The following AMOTL1 variants were observed in gnomAD, a reference collection of about 807,000 sequenced individuals.
AMOTL1 encodes angiomotin-like protein 1.
AMOTL1 carries 45 observed loss-of-function variants against 102.9 expected under a neutral mutation model. That is an observed-to-expected ratio of 0.44 (90% confidence interval 0.34 to 0.56). The LOEUF is 0.56. Ranked by LOEUF, AMOTL1 falls within the 20% of genes least tolerant of loss-of-function variation. The pLI is 0.01. For missense variants in AMOTL1, 1,114 were observed against 1,225.6 expected (o/e 0.91, Z 1.36); for synonymous variants, 481 against 484.7 (o/e 0.99, Z 0.10).
At chr11:94,829,112 T>A (rs1856740819) in intron 4 of AMOTL1, among the ~76,000 whole-genome samples, 2 of 152,192 alleles carry the variant, frequency 1.3e-5, no homozygotes. Flanking sequence ...AGTTTTTGAT[T>A]TAGTGAAATA....
chr11:94,806,532 G>T (rs1951572162), intron 3 of AMOTL1, among the ~76,000 whole-genome samples: 1 of 152,176 alleles, frequency 6.6e-6, no homozygotes, highest in Admixed American at 6.5e-5. Flanking sequence ...TGAGGCCATG[G>T]AGCCTTATTT....
rs905673771 is a variant in AMOTL1 at position 94,866,180 on chromosome 11, A to C, written c.2488+12A>C. On this transcript the variant is annotated intron_variant, in intron 11 of 12. Coordinates refer to ENST00000433060, the MANE Select transcript of AMOTL1 (RefSeq NM_130847.3). ...GAAGGGGAGCATAGGTGAGCCCCAC[A>C]CCTCTGTCAGACCATGATTGGAAAA... The C allele has an allele frequency of 6.2e-7, 1 of 1,611,794 alleles. No individual in the cohort carries two copies. The highest frequency in any genetic ancestry group is 1.3e-5 in the African/African-American group (1 of 74,826).
intron 3 of AMOTL1, among the ~76,000 whole-genome samples, chr11:94,805,190 A>G (rs1355434782): frequency 6.6e-6 from 1 of 152,236 alleles, no homozygotes; most frequent in African/African-American, 2.4e-5. Flanking sequence ...AATCAGATTT[A>G]TAGAATATAT....
chr11:94,745,918 G>A (rs1326814375), intron 3 of AMOTL1, among the ~76,000 whole-genome samples: 1 of 152,142 alleles, frequency 6.6e-6, no homozygotes, highest in African/African-American at 2.4e-5. Context: ...TGGTGATTAG[G>A]TCAGTGGAAT....
chr11:94,799,840 G>A lies in AMOTL1; in HGVS notation c.650G>A (p.Gly217Asp). ...QQQQQGAVGH[G>D]YYMAGGTSQK... ...CAGCAGCAGGGGGCGGTGGGCCATG[G>A]TTACTACATGGCAGGGGGCACCAGT... is the stretch of plus-strand genomic sequence containing the variant. Residue 217 changes from glycine (G) to aspartate (D), a missense_variant, in exon 3 of 13, where the codon GGT (glycine) becomes GAT (aspartate). Gly to Asp is a moderately conservative substitution (Grantham distance 94). Coordinates refer to ENST00000433060, the MANE Select transcript of AMOTL1 (RefSeq NM_130847.3). The surrounding 1 kb of genome is among the most constrained non-coding windows in gnomAD (Gnocchi z 4.5). The A allele has an allele frequency of 1.9e-6, 3 of 1,592,732 alleles. No homozygotes were observed. The highest frequency in any genetic ancestry group is 2.6e-6 in the Non-Finnish European group (3 of 1,169,286).
intron 1 of AMOTL1, among the ~76,000 whole-genome samples, chr11:94,771,339 A>G (rs931542161): frequency 4.0e-5 from 6 of 150,822 alleles, no homozygotes; most frequent in African/African-American, 1.5e-4. Context: ...CAGTGTTTTG[A>G]ATAATTTTTC....
intron 3 of AMOTL1, among the ~76,000 whole-genome samples, 170 bp from the exon 4 acceptor site, chr11:94,821,360 T>C (rs1288167220): frequency 6.6e-6 from 1 of 152,196 alleles, no homozygotes; most frequent in Non-Finnish European, 1.5e-5. Context: ...GTTTCCCCAA[T>C]AGCCGGAATG....
In AMOTL1 at chr11:94,869,413, A is replaced by T; in HGVS notation, c.2704A>T (p.Thr902Ser). Residue 902 changes from threonine to serine, a missense_variant, in exon 12 of 13, where the codon ACC (threonine) becomes TCC (serine). Physicochemically the swap from Thr to Ser is moderately conservative, Grantham distance 58 (BLOSUM62 1). Coordinates refer to ENST00000433060, the MANE Select transcript of AMOTL1 (RefSeq NM_130847.3). ...SLPSRGRLST[T>S]PAHSPVLKHP... ...TCCCAGCCGCGGCCGGCTGAGCACG[A>T]CCCCTGCTCACAGCCCCGTCCTGAA... 1.9e-6 allele frequency: 3 copies of T among 1,604,768 alleles called. No individual in the cohort carries two copies. Among genetic ancestry groups the T allele is most frequent in the Non-Finnish European group, 2.6e-6 (3 of 1,176,090 alleles).
At chr11:94,729,545 A>C (rs1950313741) in intron 2 of AMOTL1, among the ~76,000 whole-genome samples, 1 of 152,174 alleles carries the variant, frequency 6.6e-6, no homozygotes, top group Admixed American at 6.5e-5. Context: ...GTGACTCAGC[A>C]TTAAATGATG....
chr11:94,860,109 AG>A (rs1403848085), intron 9 of AMOTL1, among the ~76,000 whole-genome samples: 1 of 152,250 alleles, frequency 6.6e-6, no homozygotes, highest in East Asian at 1.9e-4. Flanking sequence ...GCAATCACCA[AG>A]AATGATGTTG....
rs758782624 is a variant in AMOTL1 at position 94,799,854 on chromosome 11, G to A, written c.664G>A (p.Gly222Arg). 1.3e-6 allele frequency: 2 copies of A among 1,590,830 alleles called. No individual in the cohort carries two copies. Among genetic ancestry groups the A allele is most frequent in the South Asian group, 1.2e-5 (1 of 86,106 alleles). The part of the protein sequence containing the change: ...GAVGHGYYMA[G>R]GTSQKSRTEG... ...GGTGGGCCATGGTTACTACATGGCAGGGGGCACCAGTCAGAAGTCCCGAAC... is the reference window on the plus strand; with the variant it reads ...GGTGGGCCATGGTTACTACATGGCAAGGGGCACCAGTCAGAAGTCCCGAAC... Residue 222 changes from glycine (G) to arginine (R), a missense_variant, in exon 3 of 13, where the codon GGG (glycine) becomes AGG (arginine). Transcript: ENST00000433060. This position sits in a 1 kb window ranked among gnomAD's most constrained non-coding sequence, Gnocchi z 4.5.
chr11:94,807,298 T>A (rs1318079853), intron 3 of AMOTL1, among the ~76,000 whole-genome samples: 1 of 152,158 alleles, frequency 6.6e-6, no homozygotes, highest in Non-Finnish European at 1.5e-5. Flanking sequence ...TAAGCGGTAT[T>A]TTTATTGAGT....
At chr11:94,787,461 G>A (rs546012983) in intron 1 of AMOTL1, among the ~76,000 whole-genome samples, 35 of 151,846 alleles carry the variant, frequency 2.3e-4, no homozygotes, top group Admixed American at 3.9e-4. Context: ...AGGCCGAGAC[G>A]GGCGGATCAC....
At chr11:94,868,950 A>C (rs906342496) in intron 11 of AMOTL1, among the ~76,000 whole-genome samples, 1 of 151,616 alleles carries the variant, frequency 6.6e-6, no homozygotes. Context: ...ACTCCAAAAA[A>C]AAAAAACAAA....
At chr11:94,821,886 C>T in intron 4 of AMOTL1, 65 bp downstream of exon 4, 2 of 1,571,566 alleles carry the variant, frequency 1.3e-6, no homozygotes, top group Non-Finnish European at 8.7e-7. Flanking sequence ...GGAGTTGATG[C>T]ACTGACTGAC....
At chr11:94,842,413 C>CA (rs974892067) in intron 6 of AMOTL1, among the ~76,000 whole-genome samples, 18 of 150,856 alleles carry the variant, frequency 1.2e-4, no homozygotes, top group African/African-American at 4.1e-4. Context: ...ACCCCCACCT[C>CA]AAAAAAAAAG....
At chr11:94,826,266 C>T (rs115579036) in intron 4 of AMOTL1, among the ~76,000 whole-genome samples, 2,675 of 152,264 alleles carry the variant, frequency 0.018, 32 homozygotes, top group African/African-American at 0.027. Context: ...GCACTCCAGC[C>T]TAGGTGATGG....
rs538854912 is a variant in AMOTL1, at chr11:94,710,862, T to C, written c.-51+4265T>C. On this transcript the variant is annotated intron_variant, in intron 1 of 4. Transcript: ENST00000299004. ...ATTGGGACCATGTTTTCTCATTTCTTGTGAGTCCTGTTCTTACCTTCCACT... is the reference window on the plus strand; with the variant it reads ...ATTGGGACCATGTTTTCTCATTTCTCGTGAGTCCTGTTCTTACCTTCCACT... Among the ~76,000 whole-genome samples, 20 of 152,322 alleles carry C rather than the reference T, an allele frequency of 1.3e-4. 2 individuals are homozygous for C. In the South Asian group the frequency reaches 3.5e-3, roughly 27 times the overall value.
chr11:94,808,233 CCTA>C (rs1205936496), intron 3 of AMOTL1, among the ~76,000 whole-genome samples: 3 of 150,954 alleles, frequency 2.0e-5, no homozygotes, highest in Non-Finnish European at 4.4e-5. Flanking sequence ...CTTCCTCTGC[CCTA>C]CTGTTTCACT....
Sources: allele counts gnomAD v4.1 joint callset (sites outside exome capture counted in the v4.1 genomes callset), GRCh38; gene constraint gnomAD v4.1.1; non-coding constraint Gnocchi (gnomAD v3.1); transcripts MANE v1.5; gene names NCBI Gene and HGNC (gene_info 2026-07-23, HGNC 2026-07-21).